CACNA2D1: variants seen among roughly 807,000 people sequenced by gnomAD.
CACNA2D1 encodes the protein voltage-dependent calcium channel subunit alpha-2/delta-1.
In CACNA2D1, 53 loss-of-function variants were observed where a neutral mutation model predicts 171.5. The ratio of observed to expected loss-of-function variants is 0.31; its 90% confidence interval spans 0.25 to 0.39. The LOEUF (loss-of-function observed/expected upper bound fraction) is 0.39. Among genes scored for constraint, CACNA2D1 ranks in the 10% least tolerant of loss-of-function variants. CACNA2D1 has a pLI of 1.00. For missense variants in CACNA2D1, 903 were observed against 1,299.8 expected (o/e 0.69, Z 4.69); for synonymous variants, 442 against 443.1 (o/e 1.00, Z 0.03).
chr7:82,001,672 C>G (rs1413617320), intron 18 of CACNA2D1: 2 of 1,259,566 alleles, frequency 1.6e-6, no homozygotes, highest in Non-Finnish European at 2.1e-6. Context: ...GATATTGGGT[C>G]TCCTTTTTCT....
intron 1 of CACNA2D1, among the ~76,000 whole-genome samples, chr7:82,368,602 C>A (rs1045439172): frequency 6.6e-6 from 1 of 152,108 alleles, no homozygotes. Flanking sequence ...TTTAATCTAA[C>A]CTCAATTTCC....
chr7:82,216,891 CAAA>C (rs56161307), intron 3 of CACNA2D1, among the ~76,000 whole-genome samples: 14 of 130,298 alleles, frequency 1.1e-4, no homozygotes, highest in South Asian at 2.4e-4. Context: ...AGCCTAAATC[CAAA>C]AAAAAAAAAA....
intron 18 of CACNA2D1, among the ~76,000 whole-genome samples, chr7:82,000,591 CTTAT>C (rs894479895): frequency 1.3e-5 from 2 of 151,430 alleles, no homozygotes; most frequent in African/African-American, 4.8e-5. Context: ...ATGTCACCAA[CTTAT>C]TTATTTACTC....
intron 5 of CACNA2D1, among the ~76,000 whole-genome samples, chr7:82,131,219 G>A (rs258698): frequency 0.1 from 15,804 of 152,168 alleles, 1,036 homozygotes; most frequent in Middle Eastern, 0.24. Flanking sequence ...GTATATTCTT[G>A]TAACTAATAA....
chr7:82,149,946 G>C (rs949136836), intron 4 of CACNA2D1, among the ~76,000 whole-genome samples: 3 of 151,940 alleles, frequency 2.0e-5, no homozygotes, highest in African/African-American at 4.8e-5. Flanking sequence ...TACAGAGCAA[G>C]AGTATGTGCG....
intron 11 of CACNA2D1, among the ~76,000 whole-genome samples, chr7:82,035,338 G>A (rs1320727954): frequency 8.3e-6 from 1 of 119,994 alleles, no homozygotes; most frequent in Admixed American, 8.7e-5. Context: ...GGTAAATGCT[G>A]CGAGGACAAA....
intron 3 of CACNA2D1, among the ~76,000 whole-genome samples, chr7:82,326,989 T>C (rs1256003023): frequency 1.3e-5 from 2 of 152,246 alleles, no homozygotes; most frequent in Non-Finnish European, 2.9e-5. Context: ...ACTCTTCGTA[T>C]TGCGCCAAGC....
At chr7:82,398,035 G>A (rs906094590) in intron 1 of CACNA2D1, among the ~76,000 whole-genome samples, 1 of 152,212 alleles carries the variant, frequency 6.6e-6, no homozygotes, top group African/African-American at 2.4e-5. Flanking sequence ...GGCTAAGAAT[G>A]AGGCTTCATA....
chr7:82,077,319 T>C (rs1809101777), intron 7 of CACNA2D1, among the ~76,000 whole-genome samples: 2 of 152,166 alleles, frequency 1.3e-5, no homozygotes, highest in African/African-American at 4.8e-5. Flanking sequence ...CACTAAATTC[T>C]GGCCAGAAAC....
chr7:82,141,170 A>C (rs1230301454), intron 4 of CACNA2D1, among the ~76,000 whole-genome samples: 1 of 152,062 alleles, frequency 6.6e-6, no homozygotes, highest in Non-Finnish European at 1.5e-5. Context: ...ATGTTAACTA[A>C]ATCAGTCTTT....
chr7:82,386,546 A>C (rs928609505), intron 1 of CACNA2D1, among the ~76,000 whole-genome samples: 2 of 152,058 alleles, frequency 1.3e-5, no homozygotes, highest in African/African-American at 2.4e-5. Context: ...CAGCCTGACC[A>C]ACATGGAGAA....
intron 25 of CACNA2D1, among the ~76,000 whole-genome samples, chr7:81,973,662 T>C (rs778129663): frequency 1.4e-3 from 214 of 152,054 alleles, no homozygotes; most frequent in Non-Finnish European, 2.3e-3. Flanking sequence ...TATTCTTTTT[T>C]CAAATTTTAT....
intron 5 of CACNA2D1, among the ~76,000 whole-genome samples, chr7:82,134,760 A>G (rs986291795): frequency 7.2e-5 from 11 of 152,128 alleles, no homozygotes; most frequent in African/African-American, 2.7e-4. Context: ...TTCTCTCTCA[A>G]GAGACTTTGA....
intron 6 of CACNA2D1, among the ~76,000 whole-genome samples, chr7:82,089,885 A>C (rs1810930362): frequency 6.6e-6 from 1 of 152,088 alleles, no homozygotes; most frequent in South Asian, 2.1e-4. Flanking sequence ...CATTTTCTTG[A>C]TTTATTCAGG....
At chr7:82,286,335 ATT>A (rs1282065059) in intron 3 of CACNA2D1, among the ~76,000 whole-genome samples, 4 of 151,786 alleles carry the variant, frequency 2.6e-5, no homozygotes, top group African/African-American at 9.7e-5. Context: ...CATACTCGCT[ATT>A]TTTCTTGCTG....
chr7:82,306,819 A>G (rs1461742870), intron 3 of CACNA2D1, among the ~76,000 whole-genome samples: 1 of 152,066 alleles, frequency 6.6e-6, no homozygotes, highest in East Asian at 1.9e-4. Flanking sequence ...TTTAAAAGAA[A>G]ACCTTTTAGT....
intron 1 of CACNA2D1, among the ~76,000 whole-genome samples, chr7:82,397,604 T>C (rs1171101064): frequency 6.6e-6 from 1 of 152,196 alleles, no homozygotes; most frequent in Non-Finnish European, 1.5e-5. Flanking sequence ...TAAAATATAA[T>C]GCAATAAGGA....
chr7:82,101,383 G>A (rs1038299534), intron 6 of CACNA2D1, among the ~76,000 whole-genome samples: 4 of 152,104 alleles, frequency 2.6e-5, no homozygotes, highest in African/African-American at 4.8e-5. Flanking sequence ...GGTGACAAAT[G>A]CCTTCTACAT....
At chr7:82,174,042 C>CCCAAAAAAAAAAAAAAAAAAACAAAAAAA (rs1796306811) in intron 3 of CACNA2D1, among the ~76,000 whole-genome samples, 1 of 45,630 alleles carries the variant, frequency 2.2e-5, no homozygotes, top group Non-Finnish European at 3.9e-5. Flanking sequence ...GACCCTGTCT[C>CCCAAAAAAAAAAAAAAAAAAACAAAAAAA]AAAAAAAAAA....
Sources: allele counts gnomAD v4.1 joint callset (sites outside exome capture counted in the v4.1 genomes callset), GRCh38; gene constraint gnomAD v4.1.1; transcripts MANE v1.5; gene names NCBI Gene and HGNC (gene_info 2026-07-23, HGNC 2026-07-21).